ADAMTSL1: variants seen among roughly 807,000 people sequenced by gnomAD.
ADAMTSL1 encodes the protein ADAMTS like 1, also known as ADAMTS-like protein 1.
ADAMTSL1 carries 126 observed loss-of-function variants against 201.8 expected under a neutral mutation model. That is an observed-to-expected ratio of 0.62 (90% CI 0.54 to 0.72). The LOEUF (loss-of-function observed/expected upper bound fraction) is 0.72, where lower values mean the gene tolerates loss of function less well. Among genes scored for constraint, ADAMTSL1 ranks in the 30% least tolerant of loss-of-function variants. The pLI, the probability that ADAMTSL1 is intolerant of heterozygous loss-of-function variation, is 0.00. For missense variants in ADAMTSL1, 2,679 were observed against 2,277.8 expected (o/e 1.18, Z -3.59); for synonymous variants, 1,121 against 903.4 (o/e 1.24, Z -4.32).
At chr9:18,178,011 C>T (rs191985282) in intron 2 of ADAMTSL1, among the ~76,000 whole-genome samples, 5 of 152,064 alleles carry the variant, frequency 3.3e-5, no homozygotes, top group East Asian at 1.9e-4. Context: ...AGATAGTGGT[C>T]GGGAAGAGGA....
chr9:18,755,634 T>C (rs149270380), intron 16 of ADAMTSL1, among the ~76,000 whole-genome samples: 2,739 of 152,266 alleles, frequency 0.018, 36 homozygotes, highest in South Asian at 0.043. Context: ...CTTTTTTTGG[T>C]CAATTGCCAT....
intron 1 of ADAMTSL1, among the ~76,000 whole-genome samples, chr9:17,907,167 C>A (rs1222633167): frequency 1.3e-5 from 2 of 152,168 alleles, no homozygotes; most frequent in Admixed American, 1.3e-4. Context: ...TGGCTTTTCG[C>A]CCTTACCTGG....
At chr9:18,754,130 G>A (rs1378102168) in intron 16 of ADAMTSL1, among the ~76,000 whole-genome samples, 21 of 152,194 alleles carry the variant, frequency 1.4e-4, no homozygotes, top group South Asian at 4.1e-4. Context: ...ATTATTTTAC[G>A]TACCGTCTAT....
intron 2 of ADAMTSL1, among the ~76,000 whole-genome samples, chr9:18,446,299 G>A (rs1049227056): frequency 6.6e-6 from 1 of 152,038 alleles, no homozygotes; most frequent in African/African-American, 2.4e-5. Context: ...ATGCCTGGGG[G>A]AAAAAAATGT....
In ADAMTSL1 at chr9:18,097,864, G is replaced by GT. The variant is rs35042200; in HGVS notation, c.88-65988dup. Among the ~76,000 whole-genome samples the GT allele has an allele frequency of 1.4e-3, 207 of 146,640 alleles. 1 individual carries two copies. Among genetic ancestry groups the GT allele is most frequent in the African/African-American group, 4.1e-3 (164 of 40,110 alleles). On this transcript the variant is annotated intron_variant, in intron 1 of 29. Transcript: ENST00000680146. ...CACTTTTTTCTCTTTTATGGTTATT[G>GT]TTTTTTTTTTGAGTGTGTATACTGA...
intron 2 of ADAMTSL1, among the ~76,000 whole-genome samples, chr9:18,320,698 TA>T (rs1208009213): frequency 2.0e-5 from 3 of 152,198 alleles, no homozygotes; most frequent in Non-Finnish European, 4.4e-5. Context: ...TATATTAAAA[TA>T]TTAACACAAA....
chr9:18,528,919 A>C (rs926879224), intron 2 of ADAMTSL1, among the ~76,000 whole-genome samples: 22 of 152,050 alleles, frequency 1.4e-4, no homozygotes, highest in African/African-American at 5.3e-4. Context: ...CCAGAGGTAA[A>C]TTTTACTTTG....
intron 1 of ADAMTSL1, among the ~76,000 whole-genome samples, chr9:17,995,182 A>G (rs1186952775): frequency 6.6e-6 from 1 of 152,098 alleles, no homozygotes; most frequent in African/African-American, 2.4e-5. Flanking sequence ...CCTCTTCTTA[A>G]CTAGGCTACA....
intron 2 of ADAMTSL1, among the ~76,000 whole-genome samples, chr9:18,355,134 G>A (rs1286407180): frequency 6.6e-6 from 1 of 152,110 alleles, no homozygotes; most frequent in Non-Finnish European, 1.5e-5. Flanking sequence ...TCACTGAGGA[G>A]GTCCCTGAAT....
intron 4 of ADAMTSL1, among the ~76,000 whole-genome samples, chr9:18,584,367 G>A (rs986502315): frequency 6.6e-6 from 1 of 151,548 alleles, no homozygotes; most frequent in African/African-American, 2.4e-5. Context: ...TGATTGTGAG[G>A]CCCCCCCCAG....
At position 18,219,551 on chromosome 9, in the gene ADAMTSL1, T is replaced by C. The variant is rs1339439214; in HGVS notation, c.207+55570T>C. On this transcript the variant is annotated intron_variant, in intron 2 of 29. Coordinates refer to the ADAMTSL1 transcript ENST00000680146. ...GCCTGGCTAATTTTTGTATTTTTAG[T>C]AGAGACAGGGTTTCACCACATTGGC... Among the ~76,000 whole-genome samples, 10 of 152,116 alleles carry C rather than the reference T, an allele frequency of 6.6e-5. No homozygotes were observed. In the East Asian group the frequency reaches 1.9e-3, roughly 29 times the overall value.
chr9:18,807,595 G>A, intron 20 of ADAMTSL1, among the ~76,000 whole-genome samples: 1 of 148,928 alleles, frequency 6.7e-6, no homozygotes, highest in East Asian at 2.1e-4. Context: ...GCAGTGAGCC[G>A]AGATCGCACC....
intron 1 of ADAMTSL1, among the ~76,000 whole-genome samples, chr9:18,162,209 C>T (rs1156881751): frequency 6.6e-6 from 1 of 151,976 alleles, no homozygotes; most frequent in Non-Finnish European, 1.5e-5. Context: ...CCTGCCCCTC[C>T]CATCTTCAAG....
intron 1 of ADAMTSL1, among the ~76,000 whole-genome samples, chr9:17,965,768 G>C (rs1817958679): frequency 6.6e-6 from 1 of 152,152 alleles, no homozygotes; most frequent in South Asian, 2.1e-4. Context: ...ATCCAAGTAA[G>C]TGTGGTTGAC....
At chr9:18,561,678 C>T (rs1363195004) in intron 3 of ADAMTSL1, among the ~76,000 whole-genome samples, 1 of 151,992 alleles carries the variant, frequency 6.6e-6, no homozygotes, top group Non-Finnish European at 1.5e-5. Flanking sequence ...TCTTTTAGGT[C>T]TCTAAGAACT....
chr9:18,519,204 G>T (rs973666293), intron 2 of ADAMTSL1, among the ~76,000 whole-genome samples: 3 of 152,154 alleles, frequency 2.0e-5, no homozygotes, highest in Non-Finnish European at 4.4e-5. Flanking sequence ...ATATGGTACT[G>T]TCTCTAATTA....
chr9:18,475,289 G>T (rs909303131), intron 1 of ADAMTSL1, among the ~76,000 whole-genome samples: 2 of 152,148 alleles, frequency 1.3e-5, no homozygotes, highest in Admixed American at 6.5e-5. Flanking sequence ...AAATGAATAG[G>T]TTGCATTGAT....
chr9:18,890,368 G>C (rs558308209), intron 25 of ADAMTSL1, among the ~76,000 whole-genome samples: 7 of 152,292 alleles, frequency 4.6e-5, no homozygotes, highest in African/African-American at 1.2e-4. Flanking sequence ...AAGAGGCTAT[G>C]AGTCCCCCTG....
At chr9:18,214,990 T>A (rs1438314925) in intron 2 of ADAMTSL1, among the ~76,000 whole-genome samples, 1 of 152,220 alleles carries the variant, frequency 6.6e-6, no homozygotes, top group Non-Finnish European at 1.5e-5. Context: ...GTGTTTGGTT[T>A]TCTTTATAAC....
Sources: gnomAD v4.1 joint callset for allele counts (sites outside exome capture counted in the v4.1 genomes callset) on GRCh38, gnomAD v4.1.1 for gene constraint, MANE v1.5 for transcripts, NCBI Gene and HGNC (gene_info 2026-07-23, HGNC 2026-07-21) for gene names.